GLG1: variants seen among roughly 807,000 people sequenced by gnomAD.
GLG1 encodes Golgi apparatus protein 1.
Under a neutral mutation model 160.5 loss-of-function variants are expected in GLG1, and 38 were observed. The observed-to-expected ratio is 0.24, with a 90% CI of 0.18 to 0.31. The LOEUF is 0.31. GLG1 is among the 10% of genes least tolerant of loss of function. The pLI is 1.00. For synonymous variants in GLG1, 644 were observed against 543.4 expected (o/e 1.19, Z -2.57); for missense variants, 1,373 against 1,505.2 (o/e 0.91, Z 1.45).
chr16:74,463,091 T>C (rs1337602525), intron 20 of GLG1: 1 of 493,600 alleles, frequency 2.0e-6, no homozygotes, highest in Non-Finnish European at 3.5e-6. Flanking sequence ...AATTTCTAGA[T>C]TTTTCTTTCC....
intron 14 of GLG1, 69 bp from the exon 15 acceptor site, chr16:74,471,355 G>A (rs967943184): frequency 4.0e-5 from 34 of 856,968 alleles, no homozygotes; most frequent in Non-Finnish European, 6.0e-5. Flanking sequence ...AGCCCAGTCC[G>A]AAACAAATGC....
chr16:74,493,776 T>C (rs2016085962), intron 6 of GLG1, among the ~76,000 whole-genome samples: 1 of 152,186 alleles, frequency 6.6e-6, no homozygotes, highest in African/African-American at 2.4e-5. Flanking sequence ...AAATAGCTAA[T>C]TGCCTAGAAA....
At chr16:74,473,889 G>A (rs1307641144) in intron 13 of GLG1, among the ~76,000 whole-genome samples, 1 of 152,140 alleles carries the variant, frequency 6.6e-6, no homozygotes, top group Non-Finnish European at 1.5e-5. Context: ...AAAGAGCGAG[G>A]GATGAGAGAA....
chr16:74,509,543 T>A (rs968423293), intron 2 of GLG1, among the ~76,000 whole-genome samples: 1 of 151,854 alleles, frequency 6.6e-6, no homozygotes, highest in African/African-American at 2.4e-5. Context: ...TTTATCTTCA[T>A]TCATTCATTC....
intron 10 of GLG1, among the ~76,000 whole-genome samples, 162 bp from the exon 11 acceptor site, chr16:74,480,556 TTTTG>T (rs1445115015): frequency 3.3e-5 from 5 of 151,858 alleles, no homozygotes; most frequent in Non-Finnish European, 5.9e-5. Context: ...AATTTTGTTC[TTTTG>T]TTTTTTTTTT....
chr16:74,487,479 C>T (rs2015834113), intron 8 of GLG1, among the ~76,000 whole-genome samples: 1 of 151,992 alleles, frequency 6.6e-6, no homozygotes, highest in Non-Finnish European at 1.5e-5. Flanking sequence ...GCTGGTAATC[C>T]AGAAGAGAGA....
chr16:74,465,593 G>T, intron 19 of GLG1, 83 bp downstream of exon 19: 1 of 1,400,264 alleles, frequency 7.1e-7, no homozygotes, highest in Non-Finnish European at 1.0e-6. Context: ...TGAGAAAGCT[G>T]AGCCTGAGGA....
At chr16:74,528,711 C>T (rs1326787433) in intron 2 of GLG1, among the ~76,000 whole-genome samples, 2 of 144,892 alleles carry the variant, frequency 1.4e-5, no homozygotes, top group Non-Finnish European at 3.0e-5. Context: ...ACTCAGGAGG[C>T]TGAGGCAGGA....
chr16:74,570,264 G>A (rs993857920), intron 1 of GLG1, among the ~76,000 whole-genome samples: 2 of 151,960 alleles, frequency 1.3e-5, no homozygotes, highest in Non-Finnish European at 2.9e-5. Flanking sequence ...ATAAACTTTG[G>A]TGCAAAAACA....
chr16:74,527,090 A>AT, intron 2 of GLG1, among the ~76,000 whole-genome samples: 1 of 152,256 alleles, frequency 6.6e-6, no homozygotes, highest in South Asian at 2.1e-4. Flanking sequence ...TCGAAATTGA[A>AT]TTGATATTAT....
intron 1 of GLG1, among the ~76,000 whole-genome samples, chr16:74,594,457 T>TCC (rs1294119610): frequency 6.6e-6 from 1 of 152,200 alleles, no homozygotes; most frequent in Non-Finnish European, 1.5e-5. Context: ...CTGGTTCTCT[T>TCC]AAGTCATTGT....
intron 1 of GLG1, among the ~76,000 whole-genome samples, chr16:74,536,705 G>C (rs1292024296): frequency 6.6e-6 from 1 of 152,000 alleles, no homozygotes; most frequent in African/African-American, 2.4e-5. Flanking sequence ...ATGTTTTAAC[G>C]TATTTTTATA....
intron 1 of GLG1, among the ~76,000 whole-genome samples, chr16:74,537,376 T>G (rs1386860953): frequency 6.6e-6 from 1 of 151,606 alleles, no homozygotes; most frequent in African/African-American, 2.4e-5. Flanking sequence ...ACAAAAAACC[T>G]CACAAAAAAC....
At position 74,557,668 on chromosome 16, in the gene GLG1, C is replaced by T. The variant is rs187621064; in HGVS notation, c.439-25515G>A. 2.3e-3 allele frequency among the ~76,000 whole-genome samples: 350 copies of T among 152,140 alleles called. 3 individuals carry two copies. Among genetic ancestry groups the T allele is most frequent in the African/African-American group, 8.2e-3 (341 of 41,516 alleles). On this transcript the variant is annotated intron_variant, in intron 1 of 25. Coordinates refer to ENST00000422840, the MANE Select transcript of GLG1 (RefSeq NM_001145667.2). ...AGGCTAAAGAACATGGTCAGAAGACCATATCCCAGAAGCATCTGAAAGAAG... is the reference window on the plus strand; with the variant it reads ...AGGCTAAAGAACATGGTCAGAAGACTATATCCCAGAAGCATCTGAAAGAAG...
intron 25 of GLG1, among the ~76,000 whole-genome samples, chr16:74,456,059 G>T (rs1329747712): frequency 6.6e-6 from 1 of 152,154 alleles, no homozygotes; most frequent in Non-Finnish European, 1.5e-5. Context: ...CCATGTTCCA[G>T]ACCAGATGAG....
At chr16:74,578,379 C>A (rs1456360083) in intron 1 of GLG1, among the ~76,000 whole-genome samples, 1 of 152,136 alleles carries the variant, frequency 6.6e-6, no homozygotes, top group East Asian at 1.9e-4. Flanking sequence ...GGATGTCTTA[C>A]TTTATGAAGT....
intron 2 of GLG1, among the ~76,000 whole-genome samples, chr16:74,509,161 C>CA (rs1166997011): frequency 8.5e-6 from 1 of 118,106 alleles, no homozygotes; most frequent in Non-Finnish European, 1.7e-5. Flanking sequence ...TACTAAAGGA[C>CA]AATTTTTTTT....
chr16:74,607,035 C>A lies in GLG1; in HGVS notation c.60G>T (p.Leu20=). The change falls in exon 1 of 26, where the codon CTG becomes CTT. Residue 20 remains leucine, a synonymous_variant. Coordinates refer to ENST00000422840, the MANE Select transcript of GLG1 (RefSeq NM_001145667.2). ...TCTCGGCCCCGGCCGCGAATAGCAG[C>A]AGCAGATGCAGCGCCGCCGACAAGC... ...MFRLSAALHL[L]LLFAAGAEKL... The A allele has an allele frequency of 6.3e-7, 1 of 1,594,880 alleles. No homozygotes were observed.
intron 18 of GLG1, among the ~76,000 whole-genome samples, chr16:74,466,827 C>T (rs1414085342): frequency 6.6e-6 from 1 of 151,958 alleles, no homozygotes; most frequent in Admixed American, 6.6e-5. Flanking sequence ...GAGGAGTTAC[C>T]TAAAATGTAG....
Sources: gnomAD v4.1 joint callset for allele counts (sites outside exome capture counted in the v4.1 genomes callset) on GRCh38, gnomAD v4.1.1 for gene constraint, MANE v1.5 for transcripts, NCBI Gene and HGNC (gene_info 2026-07-23, HGNC 2026-07-21) for gene names.